NLRP1: variants seen among roughly 807,000 people sequenced by gnomAD.
NLRP1 encodes the protein NACHT, LRR and PYD domains-containing protein 1.
NLRP1 carries 94 observed loss-of-function variants against 136.7 expected under a neutral mutation model. That is an observed-to-expected ratio of 0.69 (90% CI 0.58 to 0.82). The LOEUF is 0.82. NLRP1 is among the 40% of genes least tolerant of loss of function. The probability of loss-of-function intolerance (pLI) is 0.00; values close to 1 mark genes in which losing one functional copy is unlikely to be tolerated. For missense variants in NLRP1, 1,575 were observed against 1,802.7 expected (o/e 0.87, Z 2.29); for synonymous variants, 690 against 725.1 (o/e 0.95, Z 0.78).
chr17:5,576,724 A>C (rs1905056473), intron 3 of NLRP1, among the ~76,000 whole-genome samples: 1 of 152,188 alleles, frequency 6.6e-6, no homozygotes, highest in African/African-American at 2.4e-5. Flanking sequence ...TATTCCAATC[A>C]ATAGAAAAAG....
chr17:5,547,412 A>G (rs1373732796), intron 5 of NLRP1, among the ~76,000 whole-genome samples: 3 of 152,234 alleles, frequency 2.0e-5, no homozygotes, highest in African/African-American at 4.8e-5. Flanking sequence ...ATAGTTTTCA[A>G]TCTGTAACCG....
chr17:5,530,760 T>C lies in NLRP1; in HGVS notation c.3297-56A>G, dbSNP rs1910134965. 2.1e-6 allele frequency: 3 copies of C among 1,397,438 alleles called. No individual in the cohort carries two copies. In the South Asian group the frequency reaches 3.5e-5, roughly 16 times the overall value. 86.6% of individuals were successfully genotyped at this position (1,397,438 alleles called of 1,614,324 possible). A position where few individuals can be genotyped will look rare whatever the true frequency, so the allele number is the denominator to read the frequency against. On this transcript the variant is annotated intron_variant, in intron 11 of 16. Transcript: ENST00000572272. ...CTGCACGAACTCACTGAGCACCTGC[T>C]GGATGCCAGACCCCATGCAGGGGCT... is the stretch of plus-strand genomic sequence containing the variant.
intron 3 of NLRP1, among the ~76,000 whole-genome samples, chr17:5,564,734 GTT>G (rs59428190): frequency 2.0e-5 from 2 of 97,816 alleles, no homozygotes; most frequent in Non-Finnish European, 3.8e-5. Context: ...AATTTTTAGT[GTT>G]TTTTTTTTTT....
rs140093942 is a variant in NLRP1, at chr17:5,536,871, C to T, written c.2940G>A (p.Gln980=). Residue 980 remains glutamine (Q), a synonymous_variant, in exon 8 of 17, where the codon CAG becomes CAA. Transcript: ENST00000572272. ...ELRALEQEKP[Q]LLIFSRRKPS... is the part of the protein sequence containing the mutation. The stretch of plus-strand genomic sequence containing the variant: ...CTTACCGTCTGCTGAAGATGAGCAG[C>T]TGAGGTTTCTCCTGCTCCAGGGCCC... The T allele has an allele frequency of 5.5e-5, 89 of 1,612,718 alleles. No individual in the cohort carries two copies. Among genetic ancestry groups the T allele is most frequent in the Admixed American group, 1.5e-4 (9 of 60,002 alleles).
At chr17:5,512,711 G>A (rs1907723519), downstream of NLRP1, among the ~76,000 whole-genome samples, 1 of 49,800 alleles carries the variant, frequency 2.0e-5, no homozygotes, top group Non-Finnish European at 4.0e-5. Context: ...TCACCGTCTT[G>A]ACATTCTTAT....
At chr17:5,582,328 C>G (rs1905761204) in intron 2 of NLRP1, among the ~76,000 whole-genome samples, 1 of 152,066 alleles carries the variant, frequency 6.6e-6, no homozygotes, top group African/African-American at 2.4e-5. Flanking sequence ...TCTGGACCAC[C>G]CTGACCCTAA....
At chr17:5,515,860 G>C (rs1233387501) in intron 15 of NLRP1, among the ~76,000 whole-genome samples, 1 of 152,068 alleles carries the variant, frequency 6.6e-6, no homozygotes, top group African/African-American at 2.4e-5. Context: ...CAAACCCCTT[G>C]CTAGATAGCT....
rs201719364 is a variant in NLRP1 at position 5,533,914 on chromosome 17, C to T, written c.3035G>A (p.Arg1012Gln). The T allele has an allele frequency of 2.2e-5, 35 of 1,611,456 alleles. No homozygotes were observed. Among genetic ancestry groups the T allele is most frequent in the Admixed American group, 3.3e-5 (2 of 59,888 alleles). The change falls in exon 9 of 17, where the codon CGG becomes CAG. Residue 1012 changes from arginine (R) to glutamine (Q), a missense_variant. Transcript: ENST00000572272. ...EMSNSTSSLK[R>Q]QRLGSERAAS... ...CAAACTACCTGATCCGAGTCTCTGC[C>T]GCTTGAGTGAGGATGTGCTATTACT...
chr17:5,520,145 C>T (rs559628147), intron 14 of NLRP1, among the ~76,000 whole-genome samples: 24 of 151,724 alleles, frequency 1.6e-4, no homozygotes, highest in Non-Finnish European at 2.9e-4. Context: ...CGTGAGCCAC[C>T]GCGCCTGGCT....
intron 3 of NLRP1, among the ~76,000 whole-genome samples, chr17:5,560,523 G>A (rs1914620007): frequency 6.6e-6 from 1 of 152,132 alleles, no homozygotes; most frequent in African/African-American, 2.4e-5. Flanking sequence ...GGTGTCCCTC[G>A]GCAACAGCTG....
intron 12 of NLRP1, among the ~76,000 whole-genome samples, chr17:5,522,014 G>T (rs1233157414): frequency 6.6e-5 from 10 of 152,150 alleles, no homozygotes; most frequent in Admixed American, 4.6e-4. Flanking sequence ...TAGTAGAGAT[G>T]GGGTTTAACT....
chr17:5,534,067 C>G (rs1004974769), intron 8 of NLRP1, 79 bp from the exon 9 acceptor site: 4 of 1,011,326 alleles, frequency 4.0e-6, no homozygotes, highest in Admixed American at 1.7e-5. Flanking sequence ...ACTAAAAATT[C>G]AACTCCTCCT....
chr17:5,510,193 C>G (rs952825415), downstream of NLRP1, among the ~76,000 whole-genome samples: 1 of 151,562 alleles, frequency 6.6e-6, no homozygotes, highest in Non-Finnish European at 1.5e-5. Flanking sequence ...AGGTAAGCAC[C>G]CAGCCAATTA....
chr17:5,583,789 G>T lies in NLRP1; in HGVS notation c.169C>A (p.Leu57Met), dbSNP rs1295474859. The change falls in exon 1 of 17, where the codon CTG becomes ATG. Residue 57 changes from leucine to methionine, a missense_variant. Physicochemically the swap from Leu to Met is conservative, Grantham distance 15. Transcript: ENST00000572272. The surrounding 1 kb of genome is among the most constrained non-coding windows in gnomAD (Gnocchi z 4.5). ...CGCTGCTCCCCATACTGAGCCACCAGGTACGAGGCCACCTCCATGCCACTC... is the reference window on the plus strand; with the variant it reads ...CGCTGCTCCCCATACTGAGCCACCATGTACGAGGCCACCTCCATGCCACTC... ...KTSGMEVASY[L>M]VAQYGEQRAW... is the part of the protein sequence containing the mutation. The T allele has an allele frequency of 6.4e-7, 1 of 1,555,972 alleles. No individual in the cohort carries two copies. Among genetic ancestry groups the T allele is most frequent in the Non-Finnish European group, 8.7e-7 (1 of 1,149,134 alleles).
At chr17:5,563,665 G>A (rs1915005193) in intron 3 of NLRP1, among the ~76,000 whole-genome samples, 1 of 152,248 alleles carries the variant, frequency 6.6e-6, no homozygotes, top group Non-Finnish European at 1.5e-5. Context: ...ATCCCTGAAA[G>A]AGCATGAGAA....
At chr17:5,549,276 AG>A (rs1913035850) in intron 5 of NLRP1, among the ~76,000 whole-genome samples, 3 of 149,698 alleles carry the variant, frequency 2.0e-5, no homozygotes, top group South Asian at 2.1e-4. Context: ...TGAAATCATT[AG>A]TTTTTTTTTT....
chr17:5,508,437 A>G (rs1272820523), intron 15 of NLRP1, among the ~76,000 whole-genome samples: 5 of 152,330 alleles, frequency 3.3e-5, no homozygotes, highest in African/African-American at 1.2e-4. Flanking sequence ...GGCTTGAGCC[A>G]CTGCACCCAG....
At chr17:5,502,671 G>A (rs8070129) in intron 15 of NLRP1, 7,052 of 152,754 alleles carry the variant, frequency 0.046, 453 homozygotes, top group East Asian at 0.14. Flanking sequence ...GAAAGAATGT[G>A]AAGAATGGAA....
chr17:5,534,670 G>T (rs554497526), intron 8 of NLRP1, among the ~76,000 whole-genome samples: 2 of 152,174 alleles, frequency 1.3e-5, no homozygotes, highest in African/African-American at 4.8e-5. Context: ...GCTTCTGCTC[G>T]GGTCCCTCTG....
Sources: allele counts gnomAD v4.1 joint callset (sites outside exome capture counted in the v4.1 genomes callset), GRCh38; gene constraint gnomAD v4.1.1; non-coding constraint Gnocchi (gnomAD v3.1); transcripts MANE v1.5; gene names NCBI Gene and HGNC (gene_info 2026-07-23, HGNC 2026-07-21).